The following CNOT1 variants were observed in gnomAD, a reference collection of about 807,000 sequenced individuals.
The protein encoded by CNOT1 is CCR4-NOT transcription complex subunit 1, also known as CCR4-associated factor 1.
CNOT1 carries 15 observed loss-of-function variants against 273.8 expected under a neutral mutation model. That is an observed-to-expected ratio of 0.05 (90% CI 0.04 to 0.08). The LOEUF is 0.08. CNOT1 is among the 10% of genes least tolerant of loss of function. The probability of loss-of-function intolerance (pLI) is 1.00; values close to 1 mark genes in which losing one functional copy is unlikely to be tolerated. For missense variants in CNOT1, 1,644 were observed against 2,912.2 expected, an observed-to-expected ratio of 0.56 and a Z score of 10.02; for synonymous variants, 1,022 against 1,005.5, an observed-to-expected ratio of 1.02 and a Z score of -0.31.
chr16:58,575,774 G>A (rs982521001), intron 14 of CNOT1, among the ~76,000 whole-genome samples: 2 of 151,450 alleles, frequency 1.3e-5, no homozygotes, highest in Non-Finnish European at 3.0e-5. Context: ...CTCCAGCCTG[G>A]GCGACAGAGT....
At chr16:58,612,921 C>T (rs989612908) in intron 1 of CNOT1, among the ~76,000 whole-genome samples, 1 of 152,160 alleles carries the variant, frequency 6.6e-6, no homozygotes, top group Non-Finnish European at 1.5e-5. Context: ...AAGCACTTTA[C>T]ATGTTTCTTT....
chr16:58,568,142 G>C (rs190295874), intron 16 of CNOT1, among the ~76,000 whole-genome samples: 1 of 152,128 alleles, frequency 6.6e-6, no homozygotes, highest in Admixed American at 6.5e-5. Context: ...GGAGGCGGGC[G>C]AATCACCTGA....
chr16:58,573,465 G>A (rs867081500), intron 16 of CNOT1, among the ~76,000 whole-genome samples: 8 of 150,394 alleles, frequency 5.3e-5, no homozygotes, highest in Middle Eastern at 6.9e-3. Context: ...ATTCCCAGTA[G>A]GCTGTTTTGC....
intron 40 of CNOT1, chr16:58,532,663 C>T: frequency 2.3e-6 from 1 of 429,748 alleles, no homozygotes; most frequent in South Asian, 3.8e-5. Flanking sequence ...TTCTTCAGCT[C>T]TAGAAATCAG....
chr16:58,521,117 C>G (rs1452783966), intron 48 of CNOT1, 66 bp downstream of exon 48: 2 of 1,613,168 alleles, frequency 1.2e-6, no homozygotes, highest in African/African-American at 2.7e-5. Flanking sequence ...CTGACCCAAC[C>G]TAGAGACAGA....
chr16:58,580,103 G>C (rs1048184306), intron 12 of CNOT1, among the ~76,000 whole-genome samples: 2 of 151,968 alleles, frequency 1.3e-5, no homozygotes, highest in Non-Finnish European at 2.9e-5. Flanking sequence ...CTAGCTACTC[G>C]GGAGGCTGAG....
intron 1 of CNOT1, among the ~76,000 whole-genome samples, chr16:58,623,633 C>T (rs2043440629): frequency 6.6e-6 from 1 of 152,134 alleles, no homozygotes; most frequent in East Asian, 1.9e-4. Flanking sequence ...ATGGAAGCTC[C>T]GCGGCCCTTA....
intron 1 of CNOT1, among the ~76,000 whole-genome samples, chr16:58,629,357 G>A (rs542061565): frequency 5.9e-5 from 9 of 152,162 alleles, no homozygotes; most frequent in Non-Finnish European, 1.0e-4. Context: ...GGTCGTGGAG[G>A]TCTCAGAGGG....
At chr16:58,584,904 G>A (rs1039067700) in intron 8 of CNOT1, among the ~76,000 whole-genome samples, 3 of 152,136 alleles carry the variant, frequency 2.0e-5, no homozygotes, top group Non-Finnish European at 4.4e-5. Flanking sequence ...CCCTAAGCAA[G>A]TGAGAAAAAT....
At chr16:58,559,910 A>G in intron 17 of CNOT1, 1 of 688,272 alleles carries the variant, frequency 1.5e-6, no homozygotes, top group Non-Finnish European at 2.5e-6. Flanking sequence ...AACAAGACAC[A>G]TCAGGTTCAA....
chr16:58,531,891 G>A, intron 42 of CNOT1, 67 bp downstream of exon 42: 1 of 1,554,052 alleles, frequency 6.4e-7, no homozygotes, highest in Non-Finnish European at 8.8e-7. Context: ...GAAATCTATA[G>A]GCAATGCTAA....
chr16:58,610,615 G>C (rs1250863709), intron 1 of CNOT1, among the ~76,000 whole-genome samples: 1 of 152,088 alleles, frequency 6.6e-6, no homozygotes, highest in Non-Finnish European at 1.5e-5. Flanking sequence ...AGGCCAAGGA[G>C]GGCGGATCAC....
chr16:58,588,342 TATAAAA>T (rs987080616), intron 3 of CNOT1, among the ~76,000 whole-genome samples: 2 of 152,006 alleles, frequency 1.3e-5, no homozygotes, highest in Admixed American at 1.3e-4. Context: ...TAAAGAAAGT[TATAAAA>T]ATAGAGTTTT....
At chr16:58,560,417 A>G in intron 16 of CNOT1, 55 bp from the exon 17 acceptor site, 2 of 1,563,816 alleles carry the variant, frequency 1.3e-6, no homozygotes, top group Non-Finnish European at 1.7e-6. Context: ...TAGCACATGT[A>G]AGTAAACCAA....
intron 14 of CNOT1, 74 bp from the exon 15 acceptor site, chr16:58,575,203 C>T (rs1019695728): frequency 1.9e-6 from 3 of 1,555,198 alleles, no homozygotes; most frequent in South Asian, 1.2e-5. Context: ...TTCTGTTTTT[C>T]GCTTTCCACA....
In CNOT1 at chr16:58,582,814, C is replaced by A. The variant is rs372707406; in HGVS notation, c.1023G>T (p.Leu341Phe). ...TCACCAGTTCTTTAAGAACGTCAAT[C>A]AAGACTTCTACATTCCATGTGTGTG... ...AQAHTWNVEVLIDVLKELNPS... is the reference protein window; with the variant it reads ...AQAHTWNVEVFIDVLKELNPS... Residue 341 changes from leucine to phenylalanine, a missense_variant, in exon 10 of 49, where the codon TTG (leucine) becomes TTT (phenylalanine). This residue lies in a region of CNOT1 where 706 missense variants were observed against 1,021.2 expected (regional missense o/e 0.69). Coordinates refer to ENST00000317147, the MANE Select transcript of CNOT1 (RefSeq NM_016284.5). 21 of 1,510,478 alleles carry A rather than the reference C, an allele frequency of 1.4e-5. No individual in the cohort carries two copies. Among genetic ancestry groups the A allele is most frequent in the Non-Finnish European group, 1.8e-5 (19 of 1,085,600 alleles). 93.6% of individuals were successfully genotyped at this position (1,510,478 alleles called of 1,614,324 possible).
chr16:58,573,745 T>C (rs920884605), intron 16 of CNOT1, among the ~76,000 whole-genome samples: 1 of 152,070 alleles, frequency 6.6e-6, no homozygotes, highest in Non-Finnish European at 1.5e-5. Flanking sequence ...CCTCCCAAAG[T>C]GCTGGGATTA....
At chr16:58,575,916 A>C (rs2041444521) in intron 14 of CNOT1, among the ~76,000 whole-genome samples, 1 of 152,202 alleles carries the variant, frequency 6.6e-6, no homozygotes, top group Non-Finnish European at 1.5e-5. Context: ...CTTATGAGAA[A>C]AGCTAACTTT....
In CNOT1 at chr16:58,585,474, C is replaced by T. The variant is rs1240396087; in HGVS notation, c.670G>A (p.Ala224Thr). 3 of 1,613,338 alleles carry T rather than the reference C, an allele frequency of 1.9e-6. No homozygotes were observed. The highest frequency in any genetic ancestry group is 2.5e-6 in the Non-Finnish European group (3 of 1,179,938). ...FPQERCPVVL[A>T]PLLYPEKRDI... is the part of the protein sequence containing the mutation. ...CGTTTTTCAGGGTATAAAAGTGGTG[C>T]GAGCACCACGGGACAGCGTTCTTGG... The change falls in exon 8 of 49, where the codon GCA becomes ACA. Residue 224 changes from alanine to threonine, a missense_variant. Ala to Thr is a moderately conservative substitution (Grantham distance 58). Transcript: ENST00000317147.
Sources: allele counts gnomAD v4.1 joint callset (sites outside exome capture counted in the v4.1 genomes callset), GRCh38; gene constraint gnomAD v4.1.1; regional missense constraint gnomAD v4.1.1; transcripts MANE v1.5; gene names NCBI Gene and HGNC (gene_info 2026-07-23, HGNC 2026-07-21).